Variants in MCF2L2 observed in about 807,000 individuals in gnomAD.
The protein encoded by MCF2L2 is MCF.2 cell line derived transforming sequence-like 2, also known as probable guanine nucleotide exchange factor MCF2L2.
A neutral mutation model predicts 150.2 loss-of-function variants in MCF2L2; 102 were observed. The ratio of observed to expected loss-of-function variants is 0.68; its 90% CI spans 0.58 to 0.80. The LOEUF is 0.80. Ranked by LOEUF, MCF2L2 falls within the 30% of genes least tolerant of loss-of-function variation. The pLI is 0.00. For missense variants in MCF2L2, 1,256 were observed against 1,372.8 expected (o/e 0.91, Z 1.34); for synonymous variants, 465 against 491.3 (o/e 0.95, Z 0.71).
At chr3:183,191,999 C>G (rs998569590) in intron 27 of MCF2L2, among the ~76,000 whole-genome samples, 2 of 150,556 alleles carry the variant, frequency 1.3e-5, no homozygotes, top group Admixed American at 1.3e-4. Flanking sequence ...CACCACCAAG[C>G]GCAGCTAATT....
chr3:183,179,532 G>C lies in MCF2L2; in HGVS notation c.3222-29C>G, dbSNP rs772179906. The C allele has an allele frequency of 3.2e-5, 52 of 1,611,272 alleles. No homozygotes were observed. Among genetic ancestry groups the C allele is most frequent in the Non-Finnish European group, 4.0e-5 (47 of 1,178,130 alleles). ...CAATTCCGAGAAGAAAGTCAGAGAC[G>C]CCGTGGCCCAAAGAGGCGCTTAGTC... On this transcript the variant is annotated intron_variant, in intron 29 of 29. Transcript: ENST00000328913. This position sits in a 1 kb window ranked among gnomAD's most constrained non-coding sequence, Gnocchi z 4.2.
At chr3:183,276,410 A>T (rs1357429908) in intron 15 of MCF2L2, among the ~76,000 whole-genome samples, 3 of 152,220 alleles carry the variant, frequency 2.0e-5, no homozygotes, top group Non-Finnish European at 4.4e-5. Flanking sequence ...ATATTTTTTT[A>T]AAATAAATTT....
At position 183,179,779 on chromosome 3, in the gene MCF2L2, C is replaced by CT; in HGVS notation, c.3106-88dup. On this transcript the variant is annotated intron_variant, in intron 28 of 29. Coordinates refer to ENST00000328913, the MANE Select transcript of MCF2L2 (RefSeq NM_015078.4). This position sits in a 1 kb window ranked among gnomAD's most constrained non-coding sequence, Gnocchi z 4.2. ...CAAGGTGGTGACTCCCGCTGGCAGG[C>CT]TGAGGCCCACCCCAGCCCTCCCACC... is the stretch of plus-strand genomic sequence containing the variant. The CT allele has an allele frequency of 5.0e-6, 6 of 1,201,276 alleles. No homozygotes were observed. The highest frequency in any genetic ancestry group is 1.2e-6 in the Non-Finnish European group (1 of 826,586). The allele number at this position is 1,201,276 out of a possible 1,614,324, so 74.4% of individuals were successfully genotyped here. A position where few individuals can be genotyped will look rare whatever the true frequency, so the allele number is the denominator to read the frequency against.
chr3:183,352,777 T>C (rs1433227385), intron 3 of MCF2L2, among the ~76,000 whole-genome samples: 1 of 152,202 alleles, frequency 6.6e-6, no homozygotes, highest in African/African-American at 2.4e-5. Flanking sequence ...GAAAAAAGGA[T>C]ACTTGGAGAT....
At chr3:183,239,163 A>G (rs750305202) in intron 15 of MCF2L2, among the ~76,000 whole-genome samples, 7 of 152,200 alleles carry the variant, frequency 4.6e-5, no homozygotes, top group Non-Finnish European at 8.8e-5. Context: ...ACTCAGAGCT[A>G]GAGGACTGCA....
intron 7 of MCF2L2, among the ~76,000 whole-genome samples, chr3:183,314,891 T>A (rs1729531985): frequency 1.2e-5 from 1 of 83,152 alleles, no homozygotes; most frequent in Non-Finnish European, 2.3e-5. Context: ...TTAAACAGTA[T>A]CTCTTTTTTT....
intron 3 of MCF2L2, among the ~76,000 whole-genome samples, chr3:183,345,674 C>A (rs1156284642): frequency 1.3e-5 from 2 of 151,926 alleles, no homozygotes; most frequent in East Asian, 3.9e-4. Context: ...GATTGCTAGC[C>A]AGACTAATGA....
At chr3:183,414,028 T>C (rs1715454829) in intron 1 of MCF2L2, among the ~76,000 whole-genome samples, 1 of 152,174 alleles carries the variant, frequency 6.6e-6, no homozygotes, top group Non-Finnish European at 1.5e-5. Context: ...AGATTTAGCC[T>C]ATAGTTTGCT....
intron 14 of MCF2L2, 65 bp downstream of exon 14, chr3:183,289,055 A>G: frequency 9.5e-7 from 1 of 1,052,368 alleles, no homozygotes; most frequent in South Asian, 1.3e-5. Context: ...TGATTTATTG[A>G]TAATTGTGAC....
chr3:183,189,625 A>G (rs1721809805), intron 27 of MCF2L2, among the ~76,000 whole-genome samples: 1 of 152,096 alleles, frequency 6.6e-6, no homozygotes, highest in Non-Finnish European at 1.5e-5. Flanking sequence ...ACCATACTGG[A>G]AGGAGAAATG....
intron 1 of MCF2L2, among the ~76,000 whole-genome samples, chr3:183,403,630 G>A (rs375627945): frequency 2.6e-5 from 4 of 152,220 alleles, no homozygotes; most frequent in African/African-American, 9.6e-5. Flanking sequence ...TCAGCTGGGT[G>A]TGGGTTCCAT....
chr3:183,396,355 G>A (rs1714456170), intron 1 of MCF2L2, among the ~76,000 whole-genome samples: 3 of 152,136 alleles, frequency 2.0e-5, no homozygotes, highest in Admixed American at 2.0e-4. Flanking sequence ...GAATTAACTT[G>A]AGAAATCCTT....
At chr3:183,297,260 C>G in intron 11 of MCF2L2, 93 bp from the exon 12 acceptor site, 1 of 1,071,016 alleles carries the variant, frequency 9.3e-7, no homozygotes, top group Non-Finnish European at 1.4e-6. Flanking sequence ...AAGGTGTCTA[C>G]AAGGATTCCC....
At chr3:183,419,341 G>A (rs547132948) in intron 1 of MCF2L2, among the ~76,000 whole-genome samples, 1 of 152,300 alleles carries the variant, frequency 6.6e-6, no homozygotes, top group East Asian at 1.9e-4. Context: ...GGCATGCCCT[G>A]GAGACATTTT....
chr3:183,282,406 C>T (rs759808513), intron 14 of MCF2L2, among the ~76,000 whole-genome samples: 2 of 152,128 alleles, frequency 1.3e-5, no homozygotes, highest in Non-Finnish European at 2.9e-5. Flanking sequence ...TCTCGATCTC[C>T]TGACCTCATC....
At chr3:183,369,679 C>G (rs934680232) in intron 3 of MCF2L2, among the ~76,000 whole-genome samples, 9 of 152,180 alleles carry the variant, frequency 5.9e-5, no homozygotes, top group Admixed American at 5.9e-4. Context: ...TGCTTCCCAG[C>G]CTGTCAGAAT....
intron 1 of MCF2L2, among the ~76,000 whole-genome samples, chr3:183,416,944 C>T (rs1370184191): frequency 7.9e-5 from 12 of 151,378 alleles, no homozygotes; most frequent in Admixed American, 7.9e-4. Flanking sequence ...CCTGTCTCTA[C>T]TAAAAATTTT....
At chr3:183,217,184 C>A (rs1294219743) in intron 21 of MCF2L2, among the ~76,000 whole-genome samples, 1 of 147,434 alleles carries the variant, frequency 6.8e-6, no homozygotes, top group African/African-American at 2.5e-5. Flanking sequence ...ATCCCAGCTA[C>A]TTGGGAGGTT....
intron 3 of MCF2L2, among the ~76,000 whole-genome samples, chr3:183,361,547 T>C (rs987409692): frequency 5.3e-5 from 8 of 152,196 alleles, no homozygotes; most frequent in African/African-American, 1.9e-4. Flanking sequence ...TGGTAAGGCA[T>C]GCTTGCTTCC....
Sources: allele counts gnomAD v4.1 joint callset (sites outside exome capture counted in the v4.1 genomes callset), GRCh38; gene constraint gnomAD v4.1.1; non-coding constraint Gnocchi (gnomAD v3.1); transcripts MANE v1.5; gene names NCBI Gene and HGNC (gene_info 2026-07-23, HGNC 2026-07-21).